LOC400499: variants seen among roughly 807,000 people sequenced by gnomAD.
the LOC400499 span, among the ~76,000 whole-genome samples, chr16:11,434,780 G>A: frequency 2.0e-5 from 3 of 152,188 alleles, no homozygotes; most frequent in African/African-American, 4.8e-5. Context: ...AGGCACAGAA[G>A]GGCGAGTGGT....
the LOC400499 span, among the ~76,000 whole-genome samples, chr16:11,415,189 C>T: frequency 0.017 from 2,635 of 152,324 alleles, 66 homozygotes; most frequent in African/African-American, 0.06. Context: ...TCACCCCCTA[C>T]AGAACAGGAG....
the LOC400499 span, chr16:11,456,891 TC>T: frequency 2.6e-6 from 4 of 1,536,190 alleles, no homozygotes; most frequent in Non-Finnish European, 3.5e-6. Context: ...CCGAGATGTG[TC>T]CTTCCACTGC....
chr16:11,504,284 G>A, the LOC400499 span, among the ~76,000 whole-genome samples: 4 of 152,324 alleles, frequency 2.6e-5, no homozygotes, highest in Admixed American at 6.5e-5. Context: ...GGCCTGGCGC[G>A]GTGGTTCACG....
the LOC400499 span, among the ~76,000 whole-genome samples, chr16:11,515,212 G>A: frequency 6.6e-6 from 1 of 151,944 alleles, no homozygotes; most frequent in African/African-American, 2.4e-5. Context: ...TTGGGAGGCT[G>A]AGGCAGGAGG....
chr16:11,418,421 C>G, the LOC400499 span, among the ~76,000 whole-genome samples: 50,987 of 152,052 alleles, frequency 0.34, 8,591 homozygotes, highest in Non-Finnish European at 0.35. Flanking sequence ...TAAATCCCAC[C>G]AAACCAAGAA....
At chr16:11,426,842 A>T in the LOC400499 span, among the ~76,000 whole-genome samples, 1 of 145,130 alleles carries the variant, frequency 6.9e-6, no homozygotes, top group African/African-American at 2.6e-5. Context: ...AGGATGCTTG[A>T]GCCATGATCA....
At chr16:11,423,639 C>G in the LOC400499 span, among the ~76,000 whole-genome samples, 3 of 152,244 alleles carry the variant, frequency 2.0e-5, no homozygotes, top group Non-Finnish European at 4.4e-5. Context: ...CTCACATTCC[C>G]TCTCCCACCA....
At chr16:11,393,497 T>C in the LOC400499 span, 1 of 1,232,358 alleles carries the variant, frequency 8.1e-7, no homozygotes, top group Non-Finnish European at 1.0e-6. Flanking sequence ...GGACCAGGCT[T>C]TGAGAAGTCG....
the LOC400499 span, among the ~76,000 whole-genome samples, chr16:11,373,352 T>G: frequency 6.6e-6 from 1 of 152,212 alleles, no homozygotes; most frequent in Non-Finnish European, 1.5e-5. Context: ...AAGATGGGTT[T>G]TAACTTTTCT....
chr16:11,482,894 A>G, the LOC400499 span, among the ~76,000 whole-genome samples: 4,030 of 150,806 alleles, frequency 0.027, 109 homozygotes, highest in East Asian at 0.16. Flanking sequence ...CTCAACTCAA[A>G]AAAAAAAAAA....
chr16:11,457,178 CA>C, the LOC400499 span: 5 of 717,998 alleles, frequency 7.0e-6, no homozygotes, highest in East Asian at 2.9e-5. Flanking sequence ...GAACGCAGTC[CA>C]AAAAAACAAA....
chr16:11,437,737 C>T, the LOC400499 span, among the ~76,000 whole-genome samples: 242 of 152,108 alleles, frequency 1.6e-3, 1 homozygote, highest in African/African-American at 5.5e-3. Context: ...GGTGTGGTGG[C>T]GCATGCCTGT....
chr16:11,505,923 A>T, the LOC400499 span, among the ~76,000 whole-genome samples: 1 of 152,196 alleles, frequency 6.6e-6, no homozygotes, highest in South Asian at 2.1e-4. Flanking sequence ...GTGTAGGATT[A>T]TCTTAATTAT....
chr16:11,401,563 T>A, the LOC400499 span, among the ~76,000 whole-genome samples: 1 of 151,876 alleles, frequency 6.6e-6, no homozygotes, highest in Non-Finnish European at 1.5e-5. Flanking sequence ...CTCGGAGAGC[T>A]CAGTCCATTT....
the LOC400499 span, among the ~76,000 whole-genome samples, chr16:11,422,435 C>CGGAAT: frequency 1.3e-4 from 20 of 150,590 alleles, no homozygotes; most frequent in South Asian, 8.4e-4. Flanking sequence ...AGGAACAGAA[C>CGGAAT]GGAACGGAAA....
chr16:11,375,731 C>CTTTTT, the LOC400499 span, among the ~76,000 whole-genome samples: 7 of 96,528 alleles, frequency 7.3e-5, no homozygotes, highest in Admixed American at 1.9e-4. Context: ...GTCCTTTGTA[C>CTTTTT]ATTTTTTTTT....
chr16:11,434,970 C>T, the LOC400499 span, among the ~76,000 whole-genome samples: 5 of 152,142 alleles, frequency 3.3e-5, no homozygotes, highest in African/African-American at 1.2e-4. Flanking sequence ...TTCCTTTTTA[C>T]ATGATTATTA....
chr16:11,376,039 C>G, the LOC400499 span, among the ~76,000 whole-genome samples: 1 of 152,110 alleles, frequency 6.6e-6, no homozygotes, highest in Non-Finnish European at 1.5e-5. Flanking sequence ...GCGCCGGGCC[C>G]TTTGTACATT....
chr16:11,483,387 C>T, the LOC400499 span, among the ~76,000 whole-genome samples: 1 of 152,152 alleles, frequency 6.6e-6, no homozygotes, highest in Non-Finnish European at 1.5e-5. Flanking sequence ...TAGCCAAACC[C>T]TGGAAACAGC....
Sources: gnomAD v4.1 joint callset for allele counts (sites outside exome capture counted in the v4.1 genomes callset) on GRCh38, gnomAD v4.1.1 for gene constraint, MANE v1.5 for transcripts.